Variants in MAGI2 observed in about 807,000 individuals in gnomAD.
MAGI2 encodes the protein membrane-associated guanylate kinase, WW and PDZ domain-containing protein 2.
MAGI2 carries 35 observed loss-of-function variants against 133.3 expected under a neutral mutation model. That is an observed-to-expected ratio of 0.26 (90% CI 0.20 to 0.35). MAGI2 has a LOEUF of 0.35. Among genes scored for constraint, MAGI2 ranks in the 10% least tolerant of loss-of-function variants. The pLI, the probability that MAGI2 is intolerant of heterozygous loss-of-function variation, is 1.00. For synonymous variants in MAGI2, 729 were observed against 710.6 expected (o/e 1.03, Z -0.41); for missense variants, 1,636 against 1,863.4 (o/e 0.88, Z 2.25).
intron 2 of MAGI2, among the ~76,000 whole-genome samples, chr7:78,655,153 T>A (rs556156128): frequency 1.1e-3 from 168 of 151,772 alleles, no homozygotes; most frequent in African/African-American, 3.9e-3. Flanking sequence ...AAAGAAATTT[T>A]AAAAATGCCA....
At chr7:78,234,530 C>T (rs368924898) in intron 10 of MAGI2, among the ~76,000 whole-genome samples, 7 of 147,838 alleles carry the variant, frequency 4.7e-5, no homozygotes, top group Admixed American at 2.1e-4. Flanking sequence ...TTGCACTTTT[C>T]GTTAGAATTT....
At chr7:78,113,625 G>C (rs1043443004) in intron 20 of MAGI2, among the ~76,000 whole-genome samples, 1 of 152,210 alleles carries the variant, frequency 6.6e-6, no homozygotes, top group African/African-American at 2.4e-5. Context: ...AGGAGCTATA[G>C]GTTGGTGGGT....
intron 9 of MAGI2, among the ~76,000 whole-genome samples, chr7:78,306,897 A>G (rs956553608): frequency 1.3e-5 from 2 of 152,306 alleles, no homozygotes; most frequent in African/African-American, 4.8e-5. Flanking sequence ...TTGATCAAAG[A>G]GTTTTAAATC....
intron 21 of MAGI2, among the ~76,000 whole-genome samples, chr7:78,069,748 A>G (rs570193919): frequency 1.3e-5 from 2 of 152,190 alleles, no homozygotes; most frequent in South Asian, 2.1e-4. Context: ...GGTCTTCCCC[A>G]TAGTTCTTAC....
chr7:78,774,634 G>T (rs866292707), intron 2 of MAGI2, among the ~76,000 whole-genome samples: 1 of 152,186 alleles, frequency 6.6e-6, no homozygotes, highest in African/African-American at 2.4e-5. Context: ...GATCTCATCA[G>T]TTATAGCCAG....
intron 3 of MAGI2, among the ~76,000 whole-genome samples, chr7:78,529,060 A>C (rs1227060623): frequency 6.6e-6 from 1 of 152,194 alleles, no homozygotes; most frequent in Non-Finnish European, 1.5e-5. Context: ...TTGTAAATTA[A>C]ATTAACGCTG....
intron 1 of MAGI2, among the ~76,000 whole-genome samples, chr7:79,084,446 A>G (rs988224818): frequency 1.3e-5 from 2 of 151,686 alleles, no homozygotes; most frequent in African/African-American, 4.8e-5. Context: ...GCCATTGCAT[A>G]GTTGTAGATT....
At chr7:78,578,015 T>C (rs952158693) in intron 3 of MAGI2, among the ~76,000 whole-genome samples, 2 of 150,670 alleles carry the variant, frequency 1.3e-5, no homozygotes, top group Non-Finnish European at 2.9e-5. Flanking sequence ...GAAAACCAGT[T>C]ATCACTGTGA....
At chr7:79,138,901 G>A (rs773967812) in intron 1 of MAGI2, among the ~76,000 whole-genome samples, 23 of 150,530 alleles carry the variant, frequency 1.5e-4, no homozygotes, top group African/African-American at 3.4e-4. Context: ...GCGTGAACCC[G>A]GGAGGCGGAG....
chr7:78,067,794 C>G (rs1314911230), intron 21 of MAGI2, among the ~76,000 whole-genome samples: 1 of 152,102 alleles, frequency 6.6e-6, no homozygotes, highest in Admixed American at 6.6e-5. Flanking sequence ...GAGTTCTTAT[C>G]AGAACAGGAC....
intron 1 of MAGI2, among the ~76,000 whole-genome samples, chr7:79,397,405 C>T (rs1043850157): frequency 2.0e-5 from 3 of 151,736 alleles, no homozygotes; most frequent in African/African-American, 7.3e-5. Flanking sequence ...AGTTCCTCTC[C>T]TGTTTAAATT....
chr7:78,962,972 C>CT (rs1349568536), intron 2 of MAGI2, among the ~76,000 whole-genome samples: 1 of 151,986 alleles, frequency 6.6e-6, no homozygotes, highest in Non-Finnish European at 1.5e-5. Context: ...CCCTAGAAAA[C>CT]TTTAACTGTT....
intron 1 of MAGI2, among the ~76,000 whole-genome samples, chr7:79,307,324 A>C (rs1837906898): frequency 6.6e-6 from 1 of 152,216 alleles, no homozygotes; most frequent in Non-Finnish European, 1.5e-5. Context: ...GAAGAGTCAC[A>C]GAATAATTGA....
At chr7:79,352,616 ACT>A (rs1841766517) in intron 1 of MAGI2, among the ~76,000 whole-genome samples, 1 of 152,212 alleles carries the variant, frequency 6.6e-6, no homozygotes, top group African/African-American at 2.4e-5. Context: ...TGCTATTATT[ACT>A]GGAGGACTAA....
At chr7:78,875,330 G>A (rs1049849194) in intron 2 of MAGI2, among the ~76,000 whole-genome samples, 2 of 152,154 alleles carry the variant, frequency 1.3e-5, no homozygotes, top group Non-Finnish European at 2.9e-5. Flanking sequence ...ACAAAGCTCA[G>A]GGGTGGAAAA....
intron 4 of MAGI2, among the ~76,000 whole-genome samples, chr7:78,516,726 G>T (rs1165538023): frequency 1.3e-5 from 2 of 152,134 alleles, no homozygotes; most frequent in African/African-American, 2.4e-5. Flanking sequence ...GGATCCTGGA[G>T]GCATACAGAT....
At chr7:79,126,952 C>T (rs962823043) in intron 1 of MAGI2, among the ~76,000 whole-genome samples, 1 of 146,732 alleles carries the variant, frequency 6.8e-6, no homozygotes, top group South Asian at 2.2e-4. Context: ...CCTCCCTCCT[C>T]CCCCCACCCC....
At chr7:79,312,855 A>G (rs1208632216) in intron 1 of MAGI2, among the ~76,000 whole-genome samples, 5 of 152,138 alleles carry the variant, frequency 3.3e-5, no homozygotes, top group African/African-American at 1.2e-4. Context: ...ATGGTGCAGT[A>G]ACAATAAAGA....
At chr7:78,982,395 T>C (rs557079172) in intron 2 of MAGI2, among the ~76,000 whole-genome samples, 3 of 152,044 alleles carry the variant, frequency 2.0e-5, no homozygotes, top group African/African-American at 7.2e-5. Flanking sequence ...AAATGGGATA[T>C]GTCTGTAAAG....
Sources: gnomAD v4.1 joint callset for allele counts (sites outside exome capture counted in the v4.1 genomes callset) on GRCh38, gnomAD v4.1.1 for gene constraint, MANE v1.5 for transcripts, NCBI Gene and HGNC (gene_info 2026-07-23, HGNC 2026-07-21) for gene names.